The following GRM4 variants were observed in gnomAD, a reference collection of about 807,000 sequenced individuals.
GRM4 encodes glutamate metabotropic receptor 4.
Under a neutral mutation model 81.7 loss-of-function variants are expected in GRM4, and 28 were observed. That is an observed-to-expected ratio of 0.34 (90% CI 0.25 to 0.47). GRM4 has a LOEUF of 0.47. GRM4 is among the 20% of genes least tolerant of loss of function. The pLI is 1.00. For synonymous variants in GRM4, 488 were observed against 528.8 expected (o/e 0.92, Z 1.06); for missense variants, 948 against 1,290.0 (o/e 0.73, Z 4.06).
rs1286394330 is a variant in GRM4, at chr6:34,047,089, C to A, written c.1169-6341G>T. 6.6e-6 allele frequency among the ~76,000 whole-genome samples: 1 copy of A among 152,082 alleles called. No individual in the cohort carries two copies. The highest frequency in any genetic ancestry group is 6.5e-5 in the Admixed American group (1 of 15,274). On this transcript the variant is annotated intron_variant, in intron 6 of 10. Transcript: ENST00000538487. The surrounding 1 kb of genome is among the most constrained non-coding windows in gnomAD (Gnocchi z 4.5). ...TGCCTCAGTCTCCCAAGTGTGAATT[C>A]CGGATAGTAAGACTTACTTCGAGGG...
Position 34,035,655 on chromosome 6 carries a change from C to T in GRM4, c.2442+13G>A. 1 of 1,530,076 alleles carries T rather than the reference C, an allele frequency of 6.5e-7. No homozygotes were observed. Among genetic ancestry groups the T allele is most frequent in the Non-Finnish European group, 8.9e-7 (1 of 1,122,802 alleles). 94.8% of individuals were successfully genotyped at this position (1,530,076 alleles called of 1,614,324 possible). ...CACCTACCCACCGTCCACCCCCGGC[C>T]CCCACCACTCACCTTGTCGGCCGAC... On this transcript the variant is annotated intron_variant, in intron 9 of 10. Transcript: ENST00000538487. This position sits in a 1 kb window ranked among gnomAD's most constrained non-coding sequence, Gnocchi z 6.6.
At chr6:34,124,479 C>T (rs924180877) in intron 2 of GRM4, among the ~76,000 whole-genome samples, 2 of 152,230 alleles carry the variant, frequency 1.3e-5, no homozygotes, top group Non-Finnish European at 2.9e-5. Context: ...CACTGCCTGC[C>T]GTCTCCCTCC....
chr6:34,109,277 G>A (rs988540580), intron 2 of GRM4, among the ~76,000 whole-genome samples: 2 of 152,208 alleles, frequency 1.3e-5, no homozygotes, highest in Non-Finnish European at 2.9e-5. Context: ...CTGGTGATCT[G>A]AGCTGACCCA....
chr6:34,118,411 G>T (rs898238930), intron 2 of GRM4, among the ~76,000 whole-genome samples: 4 of 152,204 alleles, frequency 2.6e-5, no homozygotes, highest in Non-Finnish European at 5.9e-5. Flanking sequence ...GTGGGCAGGG[G>T]CAGGGCACTG....
At chr6:34,119,821 T>G (rs1272039976) in intron 2 of GRM4, among the ~76,000 whole-genome samples, 1 of 152,216 alleles carries the variant, frequency 6.6e-6, no homozygotes, top group African/African-American at 2.4e-5. Flanking sequence ...CAGCAGGTGC[T>G]GCAGCTTTGG....
Position 34,080,282 on chromosome 6 carries a change from CT to C in GRM4, c.736+11600del, listed in dbSNP as rs561090701. 1.5e-3 allele frequency among the ~76,000 whole-genome samples: 233 copies of C among 152,346 alleles called. No homozygotes were observed. Among genetic ancestry groups the C allele is most frequent in the African/African-American group, 4.7e-3 (196 of 41,556 alleles). ...AGGGAAGAGTCTCCCTTACTTGCCC[CT>C]CTCTGTCCACTTACACTGCTTTGTT... On this transcript the variant is annotated intron_variant, in intron 3 of 10. Coordinates refer to ENST00000538487, the MANE Select transcript of GRM4 (RefSeq NM_000841.4). The surrounding 1 kb of genome is among the most constrained non-coding windows in gnomAD (Gnocchi z 5.4).
intron 3 of GRM4, among the ~76,000 whole-genome samples, chr6:34,091,165 C>T (rs887183022): frequency 1.3e-5 from 2 of 152,220 alleles, no homozygotes; most frequent in Admixed American, 6.5e-5. Context: ...CAGCCAGGGG[C>T]CTGCTCCCGG....
In GRM4 at chr6:34,114,703, T is replaced by A. The variant is rs1292693274; in HGVS notation, c.519+18275A>T. 6.6e-6 allele frequency among the ~76,000 whole-genome samples: 1 copy of A among 152,092 alleles called. No individual in the cohort carries two copies. The highest frequency in any genetic ancestry group is 2.4e-5 in the African/African-American group (1 of 41,420). Reference sequence around the variant, plus strand: ...TCCACCTCTGACAAAGGCTGCCCCATGCACGCCTTGTCAGAACTGCCCTCG... The same window carrying A: ...TCCACCTCTGACAAAGGCTGCCCCAAGCACGCCTTGTCAGAACTGCCCTCG... On this transcript the variant is annotated intron_variant, in intron 2 of 10. Transcript: ENST00000538487. This position sits in a 1 kb window ranked among gnomAD's most constrained non-coding sequence, Gnocchi z 4.3.
intron 6 of GRM4, among the ~76,000 whole-genome samples, chr6:34,041,044 C>T (rs1331522747): frequency 6.6e-6 from 1 of 152,212 alleles, no homozygotes; most frequent in Non-Finnish European, 1.5e-5. Flanking sequence ...TGTCACCTTT[C>T]ACCATGGAAG....
At position 34,059,151 on chromosome 6, in the gene GRM4, A is replaced by G. The variant is rs746935292; in HGVS notation, c.873-23T>C. 160 of 1,612,002 alleles carry G rather than the reference A, an allele frequency of 9.9e-5. No homozygotes were observed. The highest frequency in any genetic ancestry group is 1.3e-4 in the Non-Finnish European group (153 of 1,179,358). ...CGCCTGTAGGAACATACACCAGCCC[A>G]GCCCAGCCGCGTCTGTCCACGAAAC... On this transcript the variant is annotated intron_variant, in intron 4 of 10. Coordinates refer to ENST00000538487, the MANE Select transcript of GRM4 (RefSeq NM_000841.4). This position sits in a 1 kb window ranked among gnomAD's most constrained non-coding sequence, Gnocchi z 5.7.
chr6:34,038,243 CCTCT>C (rs1414054041), intron 8 of GRM4, among the ~76,000 whole-genome samples: 1 of 152,256 alleles, frequency 6.6e-6, no homozygotes, highest in African/African-American at 2.4e-5. Context: ...AATGGCTTCT[CCTCT>C]CTGAGCCTTT....
In GRM4 at chr6:34,040,746, G is replaced by T; in HGVS notation, c.1171C>A (p.Arg391Ser). ...GCTGAATCCTGCCCAATTCGCTCACGGTCTGCAATGAAACACCAGGAACAG... is the reference window on the plus strand; with the variant it reads ...GCTGAATCCTGCCCAATTCGCTCACTGTCTGCAATGAAACACCAGGAACAG... ...KGSHVKKCTN[R>S]ERIGQDSAYE... Residue 391 changes from arginine to serine, a missense_variant and splice_region_variant, in exon 7 of 11, where the codon CGT becomes AGT. By Grantham distance (110) the Arg-to-Ser change is moderately radical. Coordinates refer to ENST00000538487, the MANE Select transcript of GRM4 (RefSeq NM_000841.4). 3 of 1,612,396 alleles carry T rather than the reference G, an allele frequency of 1.9e-6. No individual in the cohort carries two copies. Among genetic ancestry groups the T allele is most frequent in the Non-Finnish European group, 2.5e-6 (3 of 1,178,808 alleles).
At chr6:34,104,311 C>T (rs1769008175) in intron 2 of GRM4, among the ~76,000 whole-genome samples, 1 of 152,210 alleles carries the variant, frequency 6.6e-6, no homozygotes, top group Non-Finnish European at 1.5e-5. Flanking sequence ...GGCCAGGCAT[C>T]CTTGCCAGTG....
intron 3 of GRM4, among the ~76,000 whole-genome samples, chr6:34,076,816 C>G (rs1167120466): frequency 6.6e-6 from 1 of 152,114 alleles, no homozygotes; most frequent in Admixed American, 6.5e-5. Flanking sequence ...TCCCCAGGCT[C>G]TTAGCACTGT....
chr6:34,146,111 G>A, upstream of GRM4: 1 of 985,440 alleles, frequency 1.0e-6, no homozygotes, highest in Non-Finnish European at 1.2e-6. Context: ...GCAGAGGGGC[G>A]CGCTACTCCC....
chr6:34,051,531 C>T (rs1480819978), intron 6 of GRM4, among the ~76,000 whole-genome samples: 3 of 152,152 alleles, frequency 2.0e-5, no homozygotes, highest in South Asian at 2.1e-4. Flanking sequence ...GGCCTTCCTC[C>T]GCTCAGCCGT....
rs182468752 is a variant in GRM4, at chr6:34,066,370, G to A, written c.737-4342C>T. 7.2e-5 allele frequency among the ~76,000 whole-genome samples: 11 copies of A among 152,278 alleles called. No individual in the cohort carries two copies. The East Asian group carries it at 2.1e-3, about 29-fold the overall frequency. ...TATTATGGAGTTAAGATGAATAACA[G>A]TTCTCATGTGTCAACATGACAAATC... On this transcript the variant is annotated intron_variant, in intron 3 of 10. Transcript: ENST00000538487.
intron 3 of GRM4, among the ~76,000 whole-genome samples, chr6:34,077,579 G>A (rs1037915621): frequency 5.3e-5 from 8 of 151,962 alleles, no homozygotes; most frequent in Non-Finnish European, 1.2e-4. Context: ...CTCCCTCAGG[G>A]CCAAGTCCAA....
At chr6:34,063,816 A>G (rs980782483) in intron 3 of GRM4, among the ~76,000 whole-genome samples, 10 of 152,150 alleles carry the variant, frequency 6.6e-5, no homozygotes, top group Admixed American at 4.6e-4. Flanking sequence ...AAGTGGGCCA[A>G]TTGCGACATT....
Sources: allele counts gnomAD v4.1 joint callset (sites outside exome capture counted in the v4.1 genomes callset), GRCh38; gene constraint gnomAD v4.1.1; non-coding constraint Gnocchi (gnomAD v3.1); transcripts MANE v1.5; gene names NCBI Gene and HGNC (gene_info 2026-07-23, HGNC 2026-07-21).